The following CSRNP3 variants were observed in gnomAD, a reference collection of about 807,000 sequenced individuals.
CSRNP3 encodes cysteine/serine-rich nuclear protein 3.
In CSRNP3, 12 loss-of-function variants were observed where a neutral mutation model predicts 48.0. That is an observed-to-expected ratio of 0.25 (90% confidence interval 0.16 to 0.41). The LOEUF is 0.41. CSRNP3 is among the 10% of genes least tolerant of loss of function. CSRNP3 has a pLI of 1.00. For missense variants in CSRNP3, 580 were observed against 724.4 expected, an observed-to-expected ratio of 0.80 and a Z score of 2.29; for synonymous variants, 263 against 269.7, an observed-to-expected ratio of 0.98 and a Z score of 0.24.
At chr2:165,487,531 AG>A (rs1339146588) in intron 1 of CSRNP3, among the ~76,000 whole-genome samples, 1 of 148,278 alleles carries the variant, frequency 6.7e-6, no homozygotes, top group South Asian at 2.2e-4. Flanking sequence ...AAAAATGTTA[AG>A]GGCAGCCAGA....
chr2:165,671,339 G>A (rs138079587), intron 5 of CSRNP3, among the ~76,000 whole-genome samples: 3 of 152,360 alleles, frequency 2.0e-5, no homozygotes, highest in African/African-American at 7.2e-5. Context: ...AAGATGGGTT[G>A]TATTAATAAA....
In CSRNP3 at chr2:165,541,924, C is replaced by T. The variant is rs138074844; in HGVS notation, c.-24+23963C>T. Among the ~76,000 whole-genome samples, 4 of 152,212 alleles carry T rather than the reference C, an allele frequency of 2.6e-5. No homozygotes were observed. The East Asian group carries it at 7.7e-4, about 29-fold the overall frequency. On this transcript the variant is annotated intron_variant, in intron 3 of 6. Transcript: ENST00000651982. ...TTATCATGTCCTAAAAATAAGATCACATAGGTAGAGACCAAAATTGCCTTC... is the reference window on the plus strand; with the variant it reads ...TTATCATGTCCTAAAAATAAGATCATATAGGTAGAGACCAAAATTGCCTTC...
At chr2:165,660,892 A>C (rs1194588679) in intron 5 of CSRNP3, among the ~76,000 whole-genome samples, 1 of 152,182 alleles carries the variant, frequency 6.6e-6, no homozygotes, top group Non-Finnish European at 1.5e-5. Context: ...TACCAACCTA[A>C]AAGATAATGA....
chr2:165,642,093 CACACACACAA>C (rs1289665562), intron 4 of CSRNP3, among the ~76,000 whole-genome samples: 44 of 136,386 alleles, frequency 3.2e-4, no homozygotes, highest in African/African-American at 1.3e-3. Flanking sequence ...CCTGAGAATA[CACACACACAA>C]ACACACACAC....
At chr2:165,616,096 A>G (rs1031264336) in intron 4 of CSRNP3, among the ~76,000 whole-genome samples, 4 of 152,024 alleles carry the variant, frequency 2.6e-5, no homozygotes, top group African/African-American at 7.2e-5. Flanking sequence ...TGGGCAACAT[A>G]TAATTGGGTT....
At chr2:165,638,314 A>T (rs1686667734) in intron 4 of CSRNP3, among the ~76,000 whole-genome samples, 1 of 152,184 alleles carries the variant, frequency 6.6e-6, no homozygotes, top group African/African-American at 2.4e-5. Flanking sequence ...ATACAAAATA[A>T]ACTGGGTATG....
intron 4 of CSRNP3, among the ~76,000 whole-genome samples, chr2:165,628,619 G>T (rs925966910): frequency 3.3e-5 from 5 of 152,104 alleles, no homozygotes; most frequent in Admixed American, 6.5e-5. Context: ...AGCTACTCCG[G>T]AGGCTGAGGC....
At chr2:165,563,515 A>G (rs1370891159) in intron 3 of CSRNP3, among the ~76,000 whole-genome samples, 3 of 152,146 alleles carry the variant, frequency 2.0e-5, no homozygotes. Context: ...GGGCTGCCCA[A>G]TTCGCGAATC....
At chr2:165,674,090 T>A (rs1687380310) in intron 5 of CSRNP3, among the ~76,000 whole-genome samples, 1 of 152,076 alleles carries the variant, frequency 6.6e-6, no homozygotes, top group Non-Finnish European at 1.5e-5. Context: ...GGAGATTTTG[T>A]TGTTGTAATG....
intron 5 of CSRNP3, among the ~76,000 whole-genome samples, chr2:165,664,085 C>G (rs1184557039): frequency 6.6e-6 from 1 of 152,092 alleles, no homozygotes; most frequent in Non-Finnish European, 1.5e-5. Context: ...TTCTCATAAG[C>G]TAACAAAACA....
intron 3 of CSRNP3, among the ~76,000 whole-genome samples, chr2:165,525,563 T>C (rs899036169): frequency 6.6e-6 from 1 of 151,302 alleles, no homozygotes; most frequent in Admixed American, 6.6e-5. Flanking sequence ...CTAGGCTGAC[T>C]GTAAACTCCA....
At chr2:165,640,468 G>T (rs1390592869) in intron 4 of CSRNP3, among the ~76,000 whole-genome samples, 2 of 152,154 alleles carry the variant, frequency 1.3e-5, no homozygotes, top group African/African-American at 4.8e-5. Context: ...AGGTGGCAAT[G>T]AATCTACTGG....
intron 3 of CSRNP3, among the ~76,000 whole-genome samples, chr2:165,580,073 C>T (rs1258907870): frequency 6.6e-6 from 1 of 151,674 alleles, no homozygotes; most frequent in Non-Finnish European, 1.5e-5. Context: ...GGACTACAGG[C>T]GCCTGCCACC....
intron 4 of CSRNP3, among the ~76,000 whole-genome samples, chr2:165,617,911 C>T (rs1686277404): frequency 6.6e-6 from 1 of 152,194 alleles, no homozygotes; most frequent in Admixed American, 6.5e-5. Context: ...TGCCATAGCA[C>T]TCTGAGTGGA....
intron 3 of CSRNP3, among the ~76,000 whole-genome samples, chr2:165,553,314 A>C (rs1330602906): frequency 1.3e-5 from 2 of 152,246 alleles, no homozygotes; most frequent in African/African-American, 4.8e-5. Context: ...CCTAAATTTC[A>C]TGCTCTATCA....
chr2:165,482,370 T>C (rs1684059583), intron 1 of CSRNP3, among the ~76,000 whole-genome samples: 1 of 152,018 alleles, frequency 6.6e-6, no homozygotes, highest in African/African-American at 2.4e-5. Context: ...TCCAAGCGAT[T>C]CTTGTGCCTC....
At chr2:165,649,851 T>C (rs972742314) in intron 4 of CSRNP3, among the ~76,000 whole-genome samples, 1 of 152,248 alleles carries the variant, frequency 6.6e-6, no homozygotes, top group African/African-American at 2.4e-5. Flanking sequence ...GTTTCAGTTC[T>C]GATTATTCTT....
chr2:165,651,677 A>G (rs1171604762), intron 4 of CSRNP3, among the ~76,000 whole-genome samples: 2 of 130,102 alleles, frequency 1.5e-5, no homozygotes, highest in Non-Finnish European at 3.2e-5. Context: ...TTTTTTTGAG[A>G]CAGAGTTTTG....
At chr2:165,531,498 A>G (rs899771011) in intron 3 of CSRNP3, among the ~76,000 whole-genome samples, 1 of 152,198 alleles carries the variant, frequency 6.6e-6, no homozygotes, top group African/African-American at 2.4e-5. Flanking sequence ...GAGAGAGAAC[A>G]TGCGGTGTTT....
Sources: gnomAD v4.1 joint callset for allele counts (sites outside exome capture counted in the v4.1 genomes callset) on GRCh38, gnomAD v4.1.1 for gene constraint, MANE v1.5 for transcripts, NCBI Gene and HGNC (gene_info 2026-07-23, HGNC 2026-07-21) for gene names.